The following GMDS variants were observed in gnomAD, a reference collection of about 807,000 sequenced individuals.
GMDS encodes GDP-mannose 4,6 dehydratase.
In GMDS, 20 loss-of-function variants were observed where a neutral mutation model predicts 49.9. That is an observed-to-expected ratio of 0.40 (90% confidence interval 0.28 to 0.58). The LOEUF is 0.58. Ranked by LOEUF, GMDS falls within the 20% of genes least tolerant of loss-of-function variation. The pLI is 0.42. For missense variants in GMDS, 362 were observed against 481.4 expected (o/e 0.75, Z 2.32); for synonymous variants, 177 against 178.6 (o/e 0.99, Z 0.07).
intron 1 of GMDS, among the ~76,000 whole-genome samples, chr6:2,169,027 T>C (rs534425534): frequency 2.6e-4 from 40 of 152,304 alleles, no homozygotes; most frequent in African/African-American, 9.6e-4. Flanking sequence ...ATAAAGATAC[T>C]AGGATTCAGA....
chr6:2,170,938 T>G (rs898378922), intron 1 of GMDS, among the ~76,000 whole-genome samples: 1 of 151,998 alleles, frequency 6.6e-6, no homozygotes, highest in Non-Finnish European at 1.5e-5. Flanking sequence ...GAGCTTGTGG[T>G]GAGCCGAGAT....
intron 4 of GMDS, among the ~76,000 whole-genome samples, chr6:1,973,684 T>C (rs1764739327): frequency 1.3e-5 from 2 of 152,226 alleles, no homozygotes; most frequent in South Asian, 2.1e-4. Context: ...ACTTTCCTTT[T>C]ATGAATACTA....
intron 6 of GMDS, among the ~76,000 whole-genome samples, chr6:1,934,745 AT>A (rs781658231): frequency 1.9e-4 from 28 of 150,860 alleles, no homozygotes; most frequent in East Asian, 9.7e-4. Flanking sequence ...GCTTAAAATG[AT>A]TTTTTTTTTA....
At chr6:2,189,295 A>T (rs1356555107) in intron 1 of GMDS, among the ~76,000 whole-genome samples, 2 of 152,192 alleles carry the variant, frequency 1.3e-5, no homozygotes, top group African/African-American at 4.8e-5. Context: ...GAGTAGGTTG[A>T]GAGGAAGGAG....
intron 1 of GMDS, among the ~76,000 whole-genome samples, chr6:2,230,959 T>G (rs1486244393): frequency 3.5e-5 from 1 of 28,784 alleles, no homozygotes; most frequent in African/African-American, 1.3e-4. Context: ...CCCCCGTTCC[T>G]TCCCCTAATA....
chr6:2,050,445 A>T (rs1770312960), intron 4 of GMDS, among the ~76,000 whole-genome samples: 1 of 152,242 alleles, frequency 6.6e-6, no homozygotes, highest in Non-Finnish European at 1.5e-5. Context: ...ATTCTACCAG[A>T]GGTACAAGGA....
intron 7 of GMDS, among the ~76,000 whole-genome samples, chr6:1,890,234 G>A (rs1370075090): frequency 1.3e-5 from 2 of 152,066 alleles, no homozygotes; most frequent in African/African-American, 4.8e-5. Context: ...GCCAATACTT[G>A]TTACAGTCTG....
chr6:2,171,243 A>G (rs1209879720), intron 1 of GMDS, among the ~76,000 whole-genome samples: 1 of 152,222 alleles, frequency 6.6e-6, no homozygotes, highest in African/African-American at 2.4e-5. Context: ...GAGTCTGTAC[A>G]CATATTCAAA....
rs532848771 is a variant in GMDS, at chr6:2,240,537, G to A, written c.102+4784C>T. Among the ~76,000 whole-genome samples the A allele has an allele frequency of 2.7e-5, 4 of 148,894 alleles. No homozygotes were observed. The South Asian group carries it at 8.5e-4, about 32-fold the overall frequency. ...GAGAATCATTTGAACCTGGAAGGTA[G>A]AGGTTGCAGTAAACCGAGGTCACGT... On this transcript the variant is annotated intron_variant, in intron 1 of 10. Transcript: ENST00000380815.
intron 4 of GMDS, among the ~76,000 whole-genome samples, chr6:2,110,755 C>T (rs1389107707): frequency 6.6e-6 from 1 of 152,084 alleles, no homozygotes; most frequent in African/African-American, 2.4e-5. Context: ...ATAACTTACA[C>T]AGAGACTTGA....
chr6:1,966,106 G>GA (rs1223237621), intron 4 of GMDS, among the ~76,000 whole-genome samples: 1 of 152,140 alleles, frequency 6.6e-6, no homozygotes, highest in Non-Finnish European at 1.5e-5. Context: ...CCATGAAGCA[G>GA]AAAATATTTA....
At chr6:1,975,996 C>T (rs990320882) in intron 4 of GMDS, among the ~76,000 whole-genome samples, 4 of 152,170 alleles carry the variant, frequency 2.6e-5, no homozygotes, top group East Asian at 1.9e-4. Flanking sequence ...AAAATATCTA[C>T]ACAACTCAAG....
intron 4 of GMDS, among the ~76,000 whole-genome samples, chr6:2,053,897 A>C (rs968090689): frequency 7.2e-5 from 11 of 152,146 alleles, no homozygotes; most frequent in African/African-American, 2.7e-4. Context: ...AATTAAGCAG[A>C]GTTTACTTTT....
chr6:1,760,158 G>A (rs1768103736), intron 7 of GMDS, among the ~76,000 whole-genome samples: 1 of 152,196 alleles, frequency 6.6e-6, no homozygotes, highest in South Asian at 2.1e-4. Context: ...AGACACAGAG[G>A]AAAGCAGATC....
chr6:1,722,063 T>A (rs1176567350), intron 9 of GMDS, among the ~76,000 whole-genome samples: 1 of 9,236 alleles, frequency 1.1e-4, no homozygotes. Context: ...CTATCACGTC[T>A]TTTTTTTTTT....
intron 7 of GMDS, among the ~76,000 whole-genome samples, chr6:1,743,144 A>G (rs76808264): frequency 1.3e-5 from 2 of 152,240 alleles, no homozygotes; most frequent in East Asian, 1.9e-4. Context: ...ACAACCACGT[A>G]ATGGAGAGTA....
At chr6:1,798,882 T>C (rs1485422458) in intron 7 of GMDS, among the ~76,000 whole-genome samples, 1 of 152,156 alleles carries the variant, frequency 6.6e-6, no homozygotes, top group Non-Finnish European at 1.5e-5. Context: ...CAAACCTGTA[T>C]CTTGCTTGCT....
chr6:1,895,904 T>C (rs1218118412), intron 7 of GMDS, among the ~76,000 whole-genome samples: 1 of 152,176 alleles, frequency 6.6e-6, no homozygotes, highest in Non-Finnish European at 1.5e-5. Context: ...TACTCCTTTC[T>C]TTCCCTATCC....
intron 9 of GMDS, among the ~76,000 whole-genome samples, chr6:1,653,923 C>T (rs1763793047): frequency 1.3e-5 from 2 of 152,096 alleles, no homozygotes; most frequent in African/African-American, 4.8e-5. Flanking sequence ...AAAGCATGGG[C>T]AACACGAGTA....
Sources: allele counts gnomAD v4.1 joint callset (sites outside exome capture counted in the v4.1 genomes callset), GRCh38; gene constraint gnomAD v4.1.1; transcripts MANE v1.5; gene names NCBI Gene and HGNC (gene_info 2026-07-23, HGNC 2026-07-21).